SCP2: variants seen among roughly 807,000 people sequenced by gnomAD.
SCP2 encodes sterol carrier protein 2.
In SCP2, 48 loss-of-function variants were observed where a neutral mutation model predicts 71.4. The observed-to-expected ratio is 0.67, with a 90% CI of 0.53 to 0.86. SCP2 has a LOEUF of 0.86. Among genes scored for constraint, SCP2 ranks in the 40% least tolerant of loss-of-function variants. The probability of loss-of-function intolerance (pLI) is 0.00; values close to 1 mark genes in which losing one functional copy is unlikely to be tolerated. For synonymous variants in SCP2, 220 were observed against 218.1 expected, an observed-to-expected ratio of 1.01 and a Z score of -0.08; for missense variants, 560 against 655.6, an observed-to-expected ratio of 0.85 and a Z score of 1.59.
chr1:52,941,832 C>A lies in SCP2; in HGVS notation c.106C>A (p.Pro36Thr). 1 of 1,607,116 alleles carries A rather than the reference C, an allele frequency of 6.2e-7. No individual in the cohort carries two copies. The highest frequency in any genetic ancestry group is 8.5e-7 in the Non-Finnish European group (1 of 1,173,684). ...KPGAENSRDY[P>T]DLAEEAGKKA... ...TGGAGCTGAGAATTCAAGAGACTAC[C>A]CTGACTTGGCAGAAGAAGCAGGTAA... Residue 36 changes from proline to threonine, a missense_variant, in exon 2 of 16, where the codon CCT becomes ACT. This residue lies in a region of SCP2 where 513 missense variants were observed against 573.1 expected (regional missense o/e 0.90). Transcript: ENST00000371514.
intron 1 of SCP2, chr1:52,934,923 C>T (rs1348758853): frequency 6.7e-6 from 1 of 148,818 alleles, no homozygotes; most frequent in Non-Finnish European, 1.5e-5. Context: ...TCTCGGCCTC[C>T]CAAGTGCTGG....
At chr1:53,024,472 T>G (rs1661969966) in intron 12 of SCP2, among the ~76,000 whole-genome samples, 2 of 152,188 alleles carry the variant, frequency 1.3e-5, no homozygotes. Context: ...ATGTGTATTT[T>G]AACATAATAA....
intron 12 of SCP2, among the ~76,000 whole-genome samples, chr1:53,025,901 A>G (rs1386326953): frequency 6.6e-6 from 1 of 152,176 alleles, no homozygotes; most frequent in African/African-American, 2.4e-5. Flanking sequence ...TGGCCTGCCT[A>G]GTTCTCCAAT....
At chr1:53,028,948 G>A (rs1473565113) in intron 13 of SCP2, among the ~76,000 whole-genome samples, 1 of 151,892 alleles carries the variant, frequency 6.6e-6, no homozygotes, top group African/African-American at 2.4e-5. Flanking sequence ...GCTAATTTTT[G>A]TATTTTTAGT....
intron 4 of SCP2, among the ~76,000 whole-genome samples, chr1:52,954,054 G>A (rs1655574197): frequency 6.6e-6 from 1 of 150,804 alleles, no homozygotes; most frequent in African/African-American, 2.4e-5. Context: ...GCTCATGCCT[G>A]TAATCCTAGC....
chr1:52,933,746 G>A (rs566770596), intron 1 of SCP2, among the ~76,000 whole-genome samples: 35 of 152,222 alleles, frequency 2.3e-4, no homozygotes, highest in Middle Eastern at 3.4e-3. Context: ...CTCAAAATAC[G>A]GTTTGTGGAG....
intron 12 of SCP2, among the ~76,000 whole-genome samples, chr1:53,016,244 A>C (rs1265801010): frequency 1.3e-5 from 2 of 152,154 alleles, no homozygotes; most frequent in Admixed American, 1.3e-4. Flanking sequence ...AGCCCGTCTC[A>C]AATACCATCT....
In SCP2 at chr1:52,978,354, G is replaced by A. The variant is rs761533949; in HGVS notation, c.812G>A (p.Ser271Asn). ...TDLPSSFEEK[S>N]IIKMVGFDMS... The stretch of plus-strand genomic sequence containing the variant: ...TTGCCAAGCTCGTTTGAAGAAAAAA[G>A]CATTATTAAAATGGTATGTCTGAGA... Residue 271 changes from serine to asparagine, a missense_variant, in exon 9 of 16, where the codon AGC becomes AAC. This residue lies in a region of SCP2 where 513 missense variants were observed against 573.1 expected (regional missense o/e 0.90). Transcript: ENST00000371514. 1.1e-5 allele frequency: 17 copies of A among 1,613,592 alleles called. 1 individual carries two copies. The East Asian group carries it at 2.7e-4, about 25-fold the overall frequency.
chr1:53,048,145 C>A (rs768145896), intron 15 of SCP2: 5 of 543,436 alleles, frequency 9.2e-6, no homozygotes, highest in Non-Finnish European at 6.9e-6. Context: ...AAAGTTCCCA[C>A]GCTCAGGGCA....
At chr1:52,947,241 T>TAAAAA (rs34249724) in intron 2 of SCP2, among the ~76,000 whole-genome samples, 5 of 54,414 alleles carry the variant, frequency 9.2e-5, no homozygotes, top group Non-Finnish European at 1.3e-4. Flanking sequence ...ATGTTGTCCT[T>TAAAAA]AAAAAAAAAA....
At chr1:52,951,355 C>T (rs1346628511) in intron 4 of SCP2, among the ~76,000 whole-genome samples, 1 of 151,782 alleles carries the variant, frequency 6.6e-6, no homozygotes, top group Non-Finnish European at 1.5e-5. Flanking sequence ...AATTTCAACA[C>T]TCTGGGGGAC....
chr1:52,944,246 T>C (rs1225159882), intron 2 of SCP2, among the ~76,000 whole-genome samples: 1 of 152,244 alleles, frequency 6.6e-6, no homozygotes, highest in Non-Finnish European at 1.5e-5. Flanking sequence ...ATTCCTTAGA[T>C]GTTCCTGCTT....
chr1:52,951,159 G>T (rs2150126347), intron 4 of SCP2, among the ~76,000 whole-genome samples: 1 of 152,000 alleles, frequency 6.6e-6, no homozygotes, highest in South Asian at 2.1e-4. Context: ...GCGTGCATCT[G>T]TAGTCCCAGC....
intron 10 of SCP2, among the ~76,000 whole-genome samples, chr1:52,982,790 C>A (rs1402007133): frequency 6.6e-6 from 1 of 152,046 alleles, no homozygotes; most frequent in Non-Finnish European, 1.5e-5. Context: ...ATTGAAAACC[C>A]CAATATATAA....
intron 14 of SCP2, among the ~76,000 whole-genome samples, chr1:53,039,535 T>C (rs1003765091): frequency 1.3e-5 from 2 of 152,166 alleles, no homozygotes; most frequent in Non-Finnish European, 2.9e-5. Flanking sequence ...CTAGTCAGCT[T>C]TTGTCCTCAT....
intron 10 of SCP2, among the ~76,000 whole-genome samples, chr1:52,986,904 C>T (rs1036250525): frequency 6.6e-6 from 1 of 150,426 alleles, no homozygotes; most frequent in African/African-American, 2.4e-5. Context: ...ATAATAACTA[C>T]ATATCACTTC....
intron 14 of SCP2, among the ~76,000 whole-genome samples, chr1:53,047,087 T>A (rs768250637): frequency 8.5e-5 from 13 of 152,234 alleles, no homozygotes; most frequent in Non-Finnish European, 1.5e-4. Context: ...GCTGGCAGAA[T>A]TCATTTCCCT....
At chr1:53,036,019 CAAAAAA>C (rs35164089) in intron 13 of SCP2, among the ~76,000 whole-genome samples, 1 of 63,292 alleles carries the variant, frequency 1.6e-5, no homozygotes, top group Non-Finnish European at 3.6e-5. Context: ...GACTCCGTCT[CAAAAAA>C]AAAAAAAAAA....
chr1:53,002,821 G>T (rs564610649), intron 11 of SCP2, among the ~76,000 whole-genome samples: 1 of 152,302 alleles, frequency 6.6e-6, no homozygotes, highest in South Asian at 2.1e-4. Flanking sequence ...GATGTGAGAA[G>T]AAGTGGAATT....
Sources: gnomAD v4.1 joint callset for allele counts (sites outside exome capture counted in the v4.1 genomes callset) on GRCh38, gnomAD v4.1.1 for gene constraint, gnomAD v4.1.1 regional missense constraint, MANE v1.5 for transcripts, NCBI Gene and HGNC (gene_info 2026-07-23, HGNC 2026-07-21) for gene names.